The following RAPGEF4 variants were observed in gnomAD, a reference collection of about 807,000 sequenced individuals.
The protein encoded by RAPGEF4 is RAP guanine-nucleotide-exchange factor (GEF) 4.
RAPGEF4 carries 66 observed loss-of-function variants against 147.9 expected under a neutral mutation model. That is an observed-to-expected ratio of 0.45 (90% CI 0.37 to 0.55). The LOEUF is 0.55. Among genes scored for constraint, RAPGEF4 ranks in the 20% least tolerant of loss-of-function variants. The probability of loss-of-function intolerance (pLI) is 0.00; values close to 1 mark genes in which losing one functional copy is unlikely to be tolerated. For missense variants in RAPGEF4, 1,071 were observed against 1,257.3 expected (o/e 0.85, Z 2.24); for synonymous variants, 419 against 442.7 (o/e 0.95, Z 0.67).
intron 1 of RAPGEF4, among the ~76,000 whole-genome samples, chr2:172,761,440 C>A (rs1696327529): frequency 6.6e-6 from 1 of 151,904 alleles, no homozygotes; most frequent in Admixed American, 6.6e-5. Context: ...CCGTGCCCGG[C>A]CTGAAGTGGA....
At chr2:172,742,303 T>G (rs187383039) in intron 1 of RAPGEF4, among the ~76,000 whole-genome samples, 1 of 152,242 alleles carries the variant, frequency 6.6e-6, no homozygotes, top group East Asian at 1.9e-4. Context: ...TTAGTTGATA[T>G]GTCTATAGGT....
rs530046631 is a variant in RAPGEF4 at position 173,041,798 on chromosome 2, T to G, written c.2853+5106T>G. Among the ~76,000 whole-genome samples the G allele has an allele frequency of 7.2e-5, 11 of 152,300 alleles. No individual in the cohort carries two copies. The South Asian group carries it at 2.3e-3, about 32-fold the overall frequency. ...CTTCTTCTCCTTTTGGCCTCAGGGTTTTTTGTACTAGCTGTTACCTTTGCC... is the reference window on the plus strand; with the variant it reads ...CTTCTTCTCCTTTTGGCCTCAGGGTGTTTTGTACTAGCTGTTACCTTTGCC... On this transcript the variant is annotated intron_variant, in intron 29 of 30. Transcript: ENST00000397081.
rs1694295887 is a variant in RAPGEF4 at position 172,863,782 on chromosome 2, T to A, written c.444+49357T>A. Among the ~76,000 whole-genome samples the A allele has an allele frequency of 3.3e-5, 5 of 152,242 alleles. No individual in the cohort carries two copies. The South Asian group carries it at 1.0e-3, about 32-fold the overall frequency. ...ATTTGCAAGCCCTTTATAGGAGCGA[T>A]GTTGTAAACATATTTAGGCTCCTTT... is the stretch of plus-strand genomic sequence containing the variant. On this transcript the variant is annotated intron_variant, in intron 4 of 30. Transcript: ENST00000397081.
rs150829037 is a variant in RAPGEF4 at position 172,918,970 on chromosome 2, C to T, written c.517+1096C>T. On this transcript the variant is annotated intron_variant, in intron 5 of 30. Coordinates refer to ENST00000397081, the MANE Select transcript of RAPGEF4 (RefSeq NM_007023.4). ...GAGTGAACATCCTCATTTTCCTCCCCGCATTTCACTATTTCTATGCAGCCT... is the reference window on the plus strand; with the variant it reads ...GAGTGAACATCCTCATTTTCCTCCCTGCATTTCACTATTTCTATGCAGCCT... Among the ~76,000 whole-genome samples, 65 of 152,244 alleles carry T rather than the reference C, an allele frequency of 4.3e-4. 1 individual carries two copies. Among genetic ancestry groups the T allele is most frequent in the East Asian group, 3.7e-3 (19 of 5,166 alleles).
chr2:172,736,669 T>G (rs1180175498), intron 1 of RAPGEF4, among the ~76,000 whole-genome samples: 1 of 152,180 alleles, frequency 6.6e-6, no homozygotes, highest in Non-Finnish European at 1.5e-5. Context: ...ATTAAAACCA[T>G]AAAGCATGTA....
intron 4 of RAPGEF4, among the ~76,000 whole-genome samples, chr2:172,876,190 G>C (rs2149832038): frequency 6.6e-6 from 1 of 152,262 alleles, no homozygotes; most frequent in Non-Finnish European, 1.5e-5. Flanking sequence ...CAAGTCATCT[G>C]CAAACAGGGA....
intron 29 of RAPGEF4, among the ~76,000 whole-genome samples, chr2:173,039,568 G>A (rs1401278802): frequency 1.3e-5 from 2 of 152,064 alleles, no homozygotes; most frequent in African/African-American, 2.4e-5. Flanking sequence ...GTTCAAGATG[G>A]CAACCTCCAC....
chr2:172,928,232 A>T, intron 6 of RAPGEF4: 2 of 454,594 alleles, frequency 4.4e-6, no homozygotes, highest in South Asian at 3.1e-5. Context: ...CTTGTGAGTT[A>T]TGCATTTTAT....
intron 19 of RAPGEF4, among the ~76,000 whole-genome samples, chr2:173,016,756 TAAAG>T (rs1695543570): frequency 6.6e-6 from 1 of 152,194 alleles, no homozygotes; most frequent in Admixed American, 6.5e-5. Context: ...CAGCGGCATT[TAAAG>T]AAAGTTTGAG....
intron 4 of RAPGEF4, among the ~76,000 whole-genome samples, chr2:172,913,228 G>A (rs12474017): frequency 0.019 from 2,908 of 152,070 alleles, 119 homozygotes; most frequent in East Asian, 0.17. Context: ...TCAAATCTCC[G>A]CCAGCCCCAT....
intron 26 of RAPGEF4, 87 bp from the exon 27 acceptor site, chr2:173,033,827 T>C: frequency 3.2e-6 from 4 of 1,238,054 alleles, no homozygotes; most frequent in Non-Finnish European, 4.7e-6. Flanking sequence ...CCAATGGATA[T>C]ATATTTCCCC....
chr2:172,971,073 A>G (rs910852833), intron 10 of RAPGEF4, among the ~76,000 whole-genome samples: 1 of 147,238 alleles, frequency 6.8e-6, no homozygotes, highest in African/African-American at 2.5e-5. Context: ...GCAAGTAGAT[A>G]TAATGGGTAC....
At chr2:173,007,980 C>T (rs1694651596) in intron 17 of RAPGEF4, among the ~76,000 whole-genome samples, 16 of 152,216 alleles carry the variant, frequency 1.1e-4, no homozygotes, top group Admixed American at 1.0e-3. Flanking sequence ...TCTATGTCCC[C>T]ACCCAAATCT....
intron 4 of RAPGEF4, among the ~76,000 whole-genome samples, chr2:172,826,670 T>G (rs1029181770): frequency 6.6e-6 from 1 of 152,180 alleles, no homozygotes; most frequent in Admixed American, 6.5e-5. Flanking sequence ...CATTCACTTA[T>G]TTAAAAAGTT....
At chr2:172,758,442 T>C (rs746701807) in intron 1 of RAPGEF4, among the ~76,000 whole-genome samples, 73 of 152,156 alleles carry the variant, frequency 4.8e-4, no homozygotes, top group Non-Finnish European at 8.7e-4. Flanking sequence ...AAAAGATCAC[T>C]ATGACTGCAA....
At chr2:173,036,251 G>C in intron 28 of RAPGEF4, 39 bp downstream of exon 28, 1 of 1,450,690 alleles carries the variant, frequency 6.9e-7, no homozygotes, top group African/African-American at 1.4e-5. Context: ...CAGGTGATGA[G>C]TATTTGGGGA....
At chr2:172,980,845 C>G (rs999125232) in intron 10 of RAPGEF4, among the ~76,000 whole-genome samples, 1 of 152,098 alleles carries the variant, frequency 6.6e-6, no homozygotes, top group Non-Finnish European at 1.5e-5. Flanking sequence ...GAAGCGGGGT[C>G]TCACTCTGTT....
intron 1 of RAPGEF4, among the ~76,000 whole-genome samples, chr2:172,783,523 C>T (rs920569013): frequency 2.0e-5 from 3 of 152,128 alleles, no homozygotes; most frequent in Non-Finnish European, 2.9e-5. Flanking sequence ...CCCTGTCTGA[C>T]TGATGATCAA....
At chr2:172,927,318 T>A (rs2553006) in intron 6 of RAPGEF4, among the ~76,000 whole-genome samples, 8,719 of 152,252 alleles carry the variant, frequency 0.057, 387 homozygotes, top group South Asian at 0.15. Context: ...ATAACATTTA[T>A]TTAACTTTAT....
Sources: allele counts gnomAD v4.1 joint callset (sites outside exome capture counted in the v4.1 genomes callset), GRCh38; gene constraint gnomAD v4.1.1; transcripts MANE v1.5; gene names NCBI Gene and HGNC (gene_info 2026-07-23, HGNC 2026-07-21).